HLCS: variants seen among roughly 807,000 people sequenced by gnomAD.
The protein encoded by HLCS is holocarboxylase synthetase.
In HLCS, 53 loss-of-function variants were observed where a neutral mutation model predicts 75.0. The observed-to-expected ratio is 0.71, with a 90% CI of 0.57 to 0.89. The LOEUF (loss-of-function observed/expected upper bound fraction) is 0.89, where lower values mean the gene tolerates loss of function less well. Ranked by LOEUF, HLCS falls within the 40% of genes least tolerant of loss-of-function variation. The pLI is 0.00. For missense variants in HLCS, 966 were observed against 1,074.0 expected, an observed-to-expected ratio of 0.90 and a Z score of 1.41; for synonymous variants, 431 against 428.6, an observed-to-expected ratio of 1.01 and a Z score of -0.07.
chr21:36,888,432 T>TAAAAAAAAAAAAAAAAAAAA (rs1191691491), intron 6 of HLCS, among the ~76,000 whole-genome samples: 1 of 23,792 alleles, frequency 4.2e-5, no homozygotes, highest in Non-Finnish European at 8.4e-5. Context: ...CCTTCCCATT[T>TAAAAAAAAAAAAAAAAAAAA]AAAAAAAAAA....
intron 6 of HLCS, among the ~76,000 whole-genome samples, chr21:36,849,270 A>G (rs772001745): frequency 6.6e-6 from 1 of 152,254 alleles, no homozygotes; most frequent in Non-Finnish European, 1.5e-5. Context: ...CAATGCATCC[A>G]TCATGGTGCA....
intron 6 of HLCS, among the ~76,000 whole-genome samples, chr21:36,885,524 A>G (rs1010175136): frequency 1.3e-5 from 2 of 151,884 alleles, no homozygotes; most frequent in Middle Eastern, 3.2e-3. Flanking sequence ...AAAAAAAAAA[A>G]GATACACATA....
At chr21:36,889,420 G>A (rs2064679284) in intron 6 of HLCS, among the ~76,000 whole-genome samples, 1 of 152,280 alleles carries the variant, frequency 6.6e-6, no homozygotes, top group Admixed American at 6.5e-5. Context: ...AATAAAAGAT[G>A]ATTCCAAAAA....
intron 6 of HLCS, among the ~76,000 whole-genome samples, chr21:36,859,308 A>T (rs546285653): frequency 1.3e-4 from 20 of 152,328 alleles, no homozygotes; most frequent in Non-Finnish European, 2.6e-4. Flanking sequence ...GGCGTGAGCC[A>T]CCATGCCTGG....
intron 1 of HLCS, among the ~76,000 whole-genome samples, chr21:36,983,563 C>A (rs1306075154): frequency 6.6e-6 from 1 of 151,730 alleles, no homozygotes; most frequent in Non-Finnish European, 1.5e-5. Flanking sequence ...TTTGGCCGGG[C>A]GCAGTGGCTC....
intron 1 of HLCS, among the ~76,000 whole-genome samples, chr21:36,983,670 T>C (rs1266267109): frequency 6.6e-6 from 1 of 151,622 alleles, no homozygotes; most frequent in Admixed American, 6.6e-5. Flanking sequence ...ACCCAGTCTC[T>C]ACTAAAAATA....
chr21:36,901,774 C>T (rs1352884456), intron 5 of HLCS, among the ~76,000 whole-genome samples: 1 of 152,216 alleles, frequency 6.6e-6, no homozygotes, highest in Admixed American at 6.5e-5. Flanking sequence ...ACCTCATCTT[C>T]ACTTGATTAC....
chr21:36,983,263 T>G (rs144179961), intron 1 of HLCS, among the ~76,000 whole-genome samples: 1 of 151,902 alleles, frequency 6.6e-6, no homozygotes, highest in Non-Finnish European at 1.5e-5. Flanking sequence ...CAAGCTGGAG[T>G]GCAGAAGCAC....
chr21:36,880,952 G>A (rs574055347), intron 6 of HLCS, among the ~76,000 whole-genome samples: 90 of 134,790 alleles, frequency 6.7e-4, no homozygotes, highest in Admixed American at 1.7e-3. Flanking sequence ...CCAGCAGAGA[G>A]TTTTTGTTTG....
chr21:36,796,147 G>A (rs952093268), intron 6 of HLCS, among the ~76,000 whole-genome samples: 34 of 152,190 alleles, frequency 2.2e-4, no homozygotes, highest in African/African-American at 7.2e-4. Context: ...CCAGATAGTG[G>A]ACAAGAAAAT....
At chr21:36,911,748 C>CAAAA (rs11287408) in intron 5 of HLCS, among the ~76,000 whole-genome samples, 1 of 47,830 alleles carries the variant, frequency 2.1e-5, no homozygotes, top group Non-Finnish European at 3.5e-5. Context: ...GACTCCGTCT[C>CAAAA]AAAAAAAAAA....
At chr21:36,792,219 G>A (rs1344649014) in intron 6 of HLCS, among the ~76,000 whole-genome samples, 4 of 152,030 alleles carry the variant, frequency 2.6e-5, no homozygotes, top group Non-Finnish European at 4.4e-5. Flanking sequence ...TACCCCGCAG[G>A]CTCCCAGCGC....
In HLCS at chr21:36,756,670, T is replaced by G; in HGVS notation, c.2322A>C (p.Glu774Asp). 1 of 1,614,152 alleles carries G rather than the reference T, an allele frequency of 6.2e-7. No homozygotes were observed. The highest frequency in any genetic ancestry group is 8.5e-7 in the Non-Finnish European group (1 of 1,180,032). The change falls in exon 10 of 11, where the codon GAA (glutamate) becomes GAC (aspartate). Residue 774 changes from glutamate (E) to aspartate (D), a missense_variant. Glu to Asp is a conservative substitution (Grantham distance 45, BLOSUM62 2). Coordinates refer to ENST00000674895, the MANE Select transcript of HLCS (RefSeq NM_001352514.2). ...ITEYNKQHKA[E>D]LKPLRADYLI... ...GATAATCGGCTCTTAAGGGCTTCAG[T>G]TCTGCCTTGTGTTGTTTATTGTATT...
At chr21:36,870,465 G>C (rs2063731830) in intron 6 of HLCS, among the ~76,000 whole-genome samples, 1 of 152,030 alleles carries the variant, frequency 6.6e-6, no homozygotes, top group African/African-American at 2.4e-5. Context: ...ATTTCTTAAA[G>C]TATCTTCCCA....
chr21:36,915,338 GT>G (rs1303182119), intron 5 of HLCS, among the ~76,000 whole-genome samples: 1 of 152,156 alleles, frequency 6.6e-6, no homozygotes, highest in Admixed American at 6.5e-5. Context: ...TTAACATCAT[GT>G]TATGTTAAAA....
At chr21:36,881,683 C>T (rs1380349533) in intron 6 of HLCS, among the ~76,000 whole-genome samples, 1 of 152,166 alleles carries the variant, frequency 6.6e-6, no homozygotes, top group Non-Finnish European at 1.5e-5. Flanking sequence ...ATCAGCCAGA[C>T]ATGAAAAGAA....
chr21:36,943,814 G>C (rs1372698198), intron 2 of HLCS: 1 of 95,394 alleles, frequency 1.0e-5, no homozygotes, highest in East Asian at 3.5e-4. Flanking sequence ...GTGAGACCCT[G>C]TCTAAAAAAA....
chr21:36,780,495 G>A (rs2060494466), intron 6 of HLCS, among the ~76,000 whole-genome samples: 1 of 152,078 alleles, frequency 6.6e-6, no homozygotes, highest in Admixed American at 6.5e-5. Context: ...TGGGATTACA[G>A]GCATAAGCCA....
chr21:36,887,353 C>T (rs1335647997), intron 6 of HLCS, among the ~76,000 whole-genome samples: 1 of 152,128 alleles, frequency 6.6e-6, no homozygotes, highest in Non-Finnish European at 1.5e-5. Flanking sequence ...AATGAAAATG[C>T]ACCTAAATAG....
Sources: allele counts gnomAD v4.1 joint callset (sites outside exome capture counted in the v4.1 genomes callset), GRCh38; gene constraint gnomAD v4.1.1; transcripts MANE v1.5; gene names NCBI Gene and HGNC (gene_info 2026-07-23, HGNC 2026-07-21).